The following SH2D3C variants were observed in gnomAD, a reference collection of about 807,000 sequenced individuals.
The protein encoded by SH2D3C is SH2 domain containing 3C, also known as SH2 domain-containing protein 3C.
SH2D3C carries 25 observed loss-of-function variants against 75.2 expected under a neutral mutation model. That is an observed-to-expected ratio of 0.33 (90% CI 0.24 to 0.46). The LOEUF (loss-of-function observed/expected upper bound fraction) is 0.46. Ranked by LOEUF, SH2D3C falls within the 20% of genes least tolerant of loss-of-function variation. SH2D3C has a pLI of 1.00. For missense variants in SH2D3C, 933 were observed against 1,165.3 expected (o/e 0.80, Z 2.90); for synonymous variants, 450 against 473.7 (o/e 0.95, Z 0.65).
chr9:127,774,082 A>G lies in SH2D3C; in HGVS notation c.423T>C (p.Pro141=), dbSNP rs1845775224. 6.2e-7 allele frequency: 1 copy of G among 1,613,828 alleles called. No individual in the cohort carries two copies. The highest frequency in any genetic ancestry group is 1.7e-5 in the Admixed American group (1 of 59,972). Residue 141 remains proline (P), a synonymous_variant, in exon 2 of 12, where the codon CCT becomes CCC. Transcript: ENST00000314830. This position sits in a 1 kb window ranked among gnomAD's most constrained non-coding sequence, Gnocchi z 4.3. ...TGATGGGGTCTACCTCCACTGCTGA[A>G]GGGTTGGGTTCCATTGCTGGGGTGT... ...LEDTPAMEPN[P]SAVEVDPIRK...
At chr9:127,761,485 C>T in intron 3 of SH2D3C, 126 bp downstream of exon 3, 1 of 627,386 alleles carries the variant, frequency 1.6e-6, no homozygotes, top group East Asian at 3.0e-5. Flanking sequence ...AGAACCTCCC[C>T]TCCTGGGAAT....
Position 127,772,675 on chromosome 9 carries a change from G to A in SH2D3C, c.515+1315C>T, listed in dbSNP as rs568367722. ...GGCTGGGATTGAGGGGTCTCCCGGG[G>A]TGTGAAAGGCATGGCCCTAGGATTG... On this transcript the variant is annotated intron_variant, in intron 2 of 11. Transcript: ENST00000314830. Among the ~76,000 whole-genome samples the A allele has an allele frequency of 3.9e-5, 6 of 152,294 alleles. No homozygotes were observed. The South Asian group carries it at 1.2e-3, about 32-fold the overall frequency.
intron 3 of SH2D3C, among the ~76,000 whole-genome samples, chr9:127,752,204 G>A (rs3780654): frequency 2.0e-5 from 3 of 152,076 alleles, no homozygotes; most frequent in African/African-American, 7.2e-5. Context: ...CCAGGTGTAC[G>A]CCCACCAGAG....
At chr9:127,770,205 C>T (rs1471269791) in intron 2 of SH2D3C, among the ~76,000 whole-genome samples, 1 of 152,112 alleles carries the variant, frequency 6.6e-6, no homozygotes, top group Non-Finnish European at 1.5e-5. Flanking sequence ...TCCCCATGAT[C>T]TCAGCAGGGA....
chr9:127,744,180 C>A (rs1346651168), intron 7 of SH2D3C, among the ~76,000 whole-genome samples: 1 of 148,984 alleles, frequency 6.7e-6, no homozygotes, highest in Admixed American at 6.8e-5. Context: ...AAGTGATTCT[C>A]CTGCCTCAGC....
chr9:127,753,546 C>T (rs1416303228), intron 3 of SH2D3C, among the ~76,000 whole-genome samples: 1 of 152,176 alleles, frequency 6.6e-6, no homozygotes, highest in Non-Finnish European at 1.5e-5. Context: ...TGGTAGAAAC[C>T]GATGCCCCCG....
intron 2 of SH2D3C, among the ~76,000 whole-genome samples, chr9:127,763,373 C>T (rs974194631): frequency 6.6e-6 from 1 of 152,190 alleles, no homozygotes; most frequent in Admixed American, 6.5e-5. Flanking sequence ...TAAATCACCA[C>T]TGAGACCCAG....
At chr9:127,755,433 C>T (rs907892552) in intron 3 of SH2D3C, 4 of 260,078 alleles carry the variant, frequency 1.5e-5, no homozygotes, top group Non-Finnish European at 2.2e-5. Context: ...GCTCGGGCTG[C>T]CTGGAGCTGC....
chr9:127,759,555 A>C (rs1845475764), intron 3 of SH2D3C, among the ~76,000 whole-genome samples: 1 of 152,164 alleles, frequency 6.6e-6, no homozygotes, highest in Non-Finnish European at 1.5e-5. Context: ...TGACGGGACT[A>C]AAATTTGGAT....
chr9:127,768,517 C>T (rs1045861455), intron 2 of SH2D3C, among the ~76,000 whole-genome samples: 2 of 151,922 alleles, frequency 1.3e-5, no homozygotes, highest in Non-Finnish European at 2.9e-5. Context: ...CCTAAAAGTT[C>T]GAGGCTGCAG....
chr9:127,768,376 TG>T (rs1845674514), intron 2 of SH2D3C, among the ~76,000 whole-genome samples: 4 of 152,136 alleles, frequency 2.6e-5, no homozygotes, highest in African/African-American at 9.6e-5. Context: ...AGGGTACCCC[TG>T]GTTCTCAAGT....
At chr9:127,743,034 G>T in intron 7 of SH2D3C, 70 bp from the exon 8 acceptor site, 1 of 1,170,720 alleles carries the variant, frequency 8.5e-7, no homozygotes, top group Non-Finnish European at 1.2e-6. Context: ...GAGTCAGAGA[G>T]CTTTATCTAA....
At position 127,739,085 on chromosome 9, in the gene SH2D3C, A is replaced by T. The variant is rs1191831055; in HGVS notation, c.2408-164T>A. On this transcript the variant is annotated intron_variant, in intron 11 of 11. Coordinates refer to ENST00000314830, the MANE Select transcript of SH2D3C (RefSeq NM_170600.3). This position sits in a 1 kb window ranked among gnomAD's most constrained non-coding sequence, Gnocchi z 4.3. ...TGTAGTTTAGCATCTTTGTCCTGTT[A>T]TTTGCAGCATATAATTTAAAAATGA... 6.6e-6 allele frequency among the ~76,000 whole-genome samples: 1 copy of T among 152,208 alleles called. No homozygotes were observed. The highest frequency in any genetic ancestry group is 1.5e-5 in the Non-Finnish European group (1 of 68,042).
chr9:127,772,507 A>C (rs1845754633), intron 2 of SH2D3C, among the ~76,000 whole-genome samples: 1 of 152,042 alleles, frequency 6.6e-6, no homozygotes, highest in East Asian at 1.9e-4. Context: ...TGATCTGCCT[A>C]CCTCGGCCAC....
At position 127,740,212 on chromosome 9, in the gene SH2D3C, C is replaced by A. The variant is rs374638497; in HGVS notation, c.2200+46G>T. 2.6e-6 allele frequency: 4 copies of A among 1,530,856 alleles called. No individual in the cohort carries two copies. In the South Asian group the frequency reaches 3.4e-5, roughly 13 times the overall value. 94.8% of individuals were successfully genotyped at this position (1,530,856 alleles called of 1,614,324 possible). A position where few individuals can be genotyped will look rare whatever the true frequency, so the allele number is the denominator to read the frequency against. On this transcript the variant is annotated intron_variant, in intron 10 of 11. Transcript: ENST00000314830. Reference sequence around the variant, plus strand: ...GTCCATGCTGGGAGTCTTTGCAACCCCAGGGAGGGCTGCAGCCTGTCCAAG... The same window carrying A: ...GTCCATGCTGGGAGTCTTTGCAACCACAGGGAGGGCTGCAGCCTGTCCAAG...
intron 2 of SH2D3C, among the ~76,000 whole-genome samples, chr9:127,762,881 T>C (rs1201241160): frequency 6.6e-6 from 1 of 152,212 alleles, no homozygotes; most frequent in East Asian, 1.9e-4. Context: ...GAACTTTTCT[T>C]CCTTTGTGAG....
At chr9:127,761,313 T>C (rs1845518999) in intron 3 of SH2D3C, among the ~76,000 whole-genome samples, 1 of 152,166 alleles carries the variant, frequency 6.6e-6, no homozygotes, top group Non-Finnish European at 1.5e-5. Flanking sequence ...CTGCATCCTT[T>C]ACATGGAGAC....
intron 2 of SH2D3C, among the ~76,000 whole-genome samples, chr9:127,766,118 T>C (rs902976390): frequency 2.0e-5 from 3 of 152,230 alleles, no homozygotes; most frequent in Non-Finnish European, 4.4e-5. Flanking sequence ...AAGGGTGACG[T>C]TCCCCCAGGG....
chr9:127,766,270 G>A (rs557878403), intron 2 of SH2D3C, among the ~76,000 whole-genome samples: 15 of 152,304 alleles, frequency 9.8e-5, no homozygotes, highest in Admixed American at 7.2e-4. Context: ...CTGGACATAC[G>A]TCCTCAAGTG....
Sources: gnomAD v4.1 joint callset for allele counts (sites outside exome capture counted in the v4.1 genomes callset) on GRCh38, gnomAD v4.1.1 for gene constraint, Gnocchi (gnomAD v3.1) non-coding constraint, MANE v1.5 for transcripts, NCBI Gene and HGNC (gene_info 2026-07-23, HGNC 2026-07-21) for gene names.